Variants in TASP1 observed in about 807,000 individuals in gnomAD.
TASP1 encodes taspase 1, also known as threonine aspartase 1.
In TASP1, 16 loss-of-function variants were observed where a neutral mutation model predicts 56.6. The observed-to-expected ratio is 0.28, with a 90% confidence interval of 0.19 to 0.43. The LOEUF is 0.43. Ranked by LOEUF, TASP1 falls within the 20% of genes least tolerant of loss-of-function variation. The pLI is 1.00. For missense variants in TASP1, 393 were observed against 511.6 expected (o/e 0.77, Z 2.24); for synonymous variants, 179 against 184.2 (o/e 0.97, Z 0.23).
At chr20:13,155,775 G>A in the TASP1 span, among the ~76,000 whole-genome samples, 1 of 152,096 alleles carries the variant, frequency 6.6e-6, no homozygotes, top group Admixed American at 6.5e-5. Context: ...GCAGTGAGCC[G>A]AGATTGCACC....
At chr20:13,163,809 T>C in the TASP1 span, among the ~76,000 whole-genome samples, 2 of 152,150 alleles carry the variant, frequency 1.3e-5, no homozygotes, top group Non-Finnish European at 2.9e-5. Flanking sequence ...TCCTCCTCAT[T>C]TGGCAGGTTA....
intron 10 of TASP1, among the ~76,000 whole-genome samples, chr20:13,506,879 G>A (rs1265971284): frequency 1.8e-4 from 15 of 82,210 alleles, no homozygotes; most frequent in African/African-American, 5.6e-4. Flanking sequence ...GAGAAATTAG[G>A]CCAAAAAAAA....
chr20:13,473,661 C>G (rs1043891002), intron 11 of TASP1, among the ~76,000 whole-genome samples: 1 of 152,028 alleles, frequency 6.6e-6, no homozygotes, highest in Non-Finnish European at 1.5e-5. Flanking sequence ...AAAACAAACC[C>G]CAAGATTTTC....
At chr20:13,280,391 ACCCC>A in the TASP1 span, among the ~76,000 whole-genome samples, 24 of 132,102 alleles carry the variant, frequency 1.8e-4, no homozygotes, top group African/African-American at 5.8e-4. Flanking sequence ...CTTCAAAGTA[ACCCC>A]CCCCCCCCAA....
the TASP1 span, among the ~76,000 whole-genome samples, chr20:13,381,845 T>A: frequency 1.3e-5 from 2 of 152,224 alleles, no homozygotes; most frequent in African/African-American, 4.8e-5. Context: ...AAATATCTGA[T>A]TTATACATGA....
chr20:13,489,077 T>C (rs1272764337), intron 10 of TASP1, among the ~76,000 whole-genome samples: 2 of 152,122 alleles, frequency 1.3e-5, no homozygotes, highest in Admixed American at 6.6e-5. Context: ...TCACTAATGT[T>C]ATAGGTCATA....
At chr20:13,454,408 C>A (rs1048181685) in intron 11 of TASP1, among the ~76,000 whole-genome samples, 1 of 152,060 alleles carries the variant, frequency 6.6e-6, no homozygotes, top group African/African-American at 2.4e-5. Flanking sequence ...CCTCCCTTCC[C>A]CTGTCCCAGG....
At chr20:13,374,531 G>C in the TASP1 span, among the ~76,000 whole-genome samples, 26 of 152,202 alleles carry the variant, frequency 1.7e-4, no homozygotes, top group Non-Finnish European at 2.1e-4. Flanking sequence ...TGTATTTTTA[G>C]TAGAGATGGG....
At chr20:13,516,666 T>G (rs916680061) in intron 10 of TASP1, among the ~76,000 whole-genome samples, 42 of 151,620 alleles carry the variant, frequency 2.8e-4, no homozygotes, top group South Asian at 6.2e-4. Context: ...TTGTTTTTTT[T>G]TTTTTTTTTT....
rs539424634 is a variant in TASP1, at chr20:13,485,700, A to T, written c.875-2363T>A. On this transcript the variant is annotated intron_variant, in intron 10 of 13. Coordinates refer to ENST00000337743, the MANE Select transcript of TASP1 (RefSeq NM_017714.3). Reference sequence around the variant, plus strand: ...TCGGGAAAAAGATGACAATAAAGCTAACAGAAAGAAATCACGTTGGACACT... The same window carrying T: ...TCGGGAAAAAGATGACAATAAAGCTTACAGAAAGAAATCACGTTGGACACT... Among the ~76,000 whole-genome samples, 13 of 152,360 alleles carry T rather than the reference A, an allele frequency of 8.5e-5. No homozygotes were observed. The East Asian group carries it at 2.5e-3, about 29-fold the overall frequency.
chr20:13,516,745 T>C (rs1310334046), intron 10 of TASP1, among the ~76,000 whole-genome samples: 1 of 150,012 alleles, frequency 6.7e-6, no homozygotes, highest in Non-Finnish European at 1.5e-5. Context: ...AACAAAGCAA[T>C]GCAAAGTAAG....
chr20:13,578,302 T>C (rs1321188908), intron 6 of TASP1, among the ~76,000 whole-genome samples: 1 of 152,144 alleles, frequency 6.6e-6, no homozygotes, highest in Non-Finnish European at 1.5e-5. Context: ...AAATTGCCTA[T>C]TTGTATCCTT....
the TASP1 span, among the ~76,000 whole-genome samples, chr20:13,307,094 C>T: frequency 0.017 from 2,659 of 152,244 alleles, 73 homozygotes; most frequent in African/African-American, 0.06. Context: ...CACTACTCAC[C>T]AGCAGCAAAT....
intron 10 of TASP1, among the ~76,000 whole-genome samples, chr20:13,489,423 C>T (rs1266314741): frequency 6.6e-6 from 1 of 152,054 alleles, no homozygotes; most frequent in African/African-American, 2.4e-5. Context: ...ACTTTCCATG[C>T]CTGCACTTGC....
At chr20:13,514,369 G>A (rs957966618) in intron 10 of TASP1, among the ~76,000 whole-genome samples, 13 of 152,144 alleles carry the variant, frequency 8.5e-5, no homozygotes, top group Admixed American at 4.6e-4. Flanking sequence ...ATTAAACACA[G>A]CCATAACAGA....
At chr20:13,215,401 T>C in the TASP1 span, among the ~76,000 whole-genome samples, 7 of 152,338 alleles carry the variant, frequency 4.6e-5, no homozygotes, top group African/African-American at 1.7e-4. Context: ...AACATGTGCC[T>C]GAGATTCTAT....
the TASP1 span, among the ~76,000 whole-genome samples, chr20:13,209,230 C>G: frequency 1.3e-5 from 2 of 152,134 alleles, no homozygotes; most frequent in South Asian, 4.1e-4. Context: ...AGCTGACCTG[C>G]AGATTTGTAA....
At chr20:13,248,912 G>C in the TASP1 span, among the ~76,000 whole-genome samples, 2 of 152,200 alleles carry the variant, frequency 1.3e-5, no homozygotes, top group African/African-American at 4.8e-5. Context: ...TGATGTAAGA[G>C]AGTTGATCAA....
rs138483478 is a variant in TASP1 at position 13,574,306 on chromosome 20, G to A, written c.489-4720C>T. ...TTTTCGTCTCATGTAAGTTTAAAGC[G>A]AGACCTGAAAGGCTCAAGCTGTTTT... On this transcript the variant is annotated intron_variant, in intron 6 of 13. Transcript: ENST00000337743. Among the ~76,000 whole-genome samples, 1,325 of 152,224 alleles carry A rather than the reference G, an allele frequency of 8.7e-3. 30 individuals carry two copies. Among genetic ancestry groups the A allele is most frequent in the African/African-American group, 0.03 (1,237 of 41,538 alleles).
Sources: gnomAD v4.1 joint callset for allele counts (sites outside exome capture counted in the v4.1 genomes callset) on GRCh38, gnomAD v4.1.1 for gene constraint, MANE v1.5 for transcripts, NCBI Gene and HGNC (gene_info 2026-07-23, HGNC 2026-07-21) for gene names.